Variants in SMOC2 observed in about 807,000 individuals in gnomAD.
SMOC2 encodes the protein SPARC-related modular calcium-binding protein 2.
SMOC2 carries 39 observed loss-of-function variants against 61.4 expected under a neutral mutation model. That is an observed-to-expected ratio of 0.64 (90% CI 0.49 to 0.83). SMOC2 has a LOEUF of 0.83. Among genes scored for constraint, SMOC2 ranks in the 40% least tolerant of loss-of-function variants. The probability of loss-of-function intolerance (pLI) is 0.00; values close to 1 mark genes in which losing one functional copy is unlikely to be tolerated. For missense variants in SMOC2, 556 were observed against 592.9 expected, an observed-to-expected ratio of 0.94 and a Z score of 0.65; for synonymous variants, 247 against 239.9, an observed-to-expected ratio of 1.03 and a Z score of -0.27.
At chr6:168,562,782 C>T (rs1442101804) in intron 7 of SMOC2, among the ~76,000 whole-genome samples, 1 of 152,164 alleles carries the variant, frequency 6.6e-6, no homozygotes, top group Non-Finnish European at 1.5e-5. Context: ...ATGGTCCTGC[C>T]CCGGGAGAGC....
chr6:168,598,424 G>A (rs370143977), intron 7 of SMOC2, among the ~76,000 whole-genome samples: 4 of 152,334 alleles, frequency 2.6e-5, no homozygotes, highest in African/African-American at 9.6e-5. Context: ...CACGTGGCTC[G>A]GAGCAGGGAG....
intron 9 of SMOC2, among the ~76,000 whole-genome samples, chr6:168,623,329 A>ATTTTTTTTTTTTTTT (rs11284179): frequency 7.7e-6 from 1 of 129,108 alleles, no homozygotes; most frequent in African/African-American, 3.0e-5. Flanking sequence ...TGGATAATTA[A>ATTTTTTTTTTTTTTT]TTTTTTTTTT....
chr6:168,615,838 A>G (rs1786073530), intron 9 of SMOC2, among the ~76,000 whole-genome samples: 1 of 152,236 alleles, frequency 6.6e-6, no homozygotes, highest in South Asian at 2.1e-4. Flanking sequence ...CTCATGTAGA[A>G]ACCTTAGAGG....
chr6:168,583,935 C>T (rs1306852661), intron 7 of SMOC2, among the ~76,000 whole-genome samples: 1 of 152,240 alleles, frequency 6.6e-6, no homozygotes, highest in East Asian at 1.9e-4. Flanking sequence ...TGAGGCTGTG[C>T]ACAGGCGAGG....
intron 11 of SMOC2, chr6:168,655,578 T>C: frequency 5.5e-6 from 2 of 366,168 alleles, no homozygotes; most frequent in Non-Finnish European, 5.5e-6. Flanking sequence ...ATGTGTGTAC[T>C]AGATACCCGG....
intron 9 of SMOC2, among the ~76,000 whole-genome samples, chr6:168,614,772 A>AGG (rs762773433): frequency 6.1e-4 from 28 of 45,802 alleles, no homozygotes; most frequent in South Asian, 3.3e-3. Context: ...CAGCCAGCAC[A>AGG]GGGCCTCTTC....
chr6:168,446,395 T>G (rs528402664), intron 1 of SMOC2, among the ~76,000 whole-genome samples: 73 of 152,242 alleles, frequency 4.8e-4, no homozygotes, highest in Middle Eastern at 3.4e-3. Flanking sequence ...TAAACTGTTC[T>G]ACACATACAA....
chr6:168,636,933 C>T (rs1231043870), intron 9 of SMOC2, among the ~76,000 whole-genome samples: 3 of 121,862 alleles, frequency 2.5e-5, no homozygotes, highest in Non-Finnish European at 5.1e-5. Flanking sequence ...CTCCCCCCTC[C>T]CCACCTCCCT....
At chr6:168,526,929 A>G (rs1447831284) in intron 3 of SMOC2, among the ~76,000 whole-genome samples, 1 of 152,206 alleles carries the variant, frequency 6.6e-6, no homozygotes, top group Non-Finnish European at 1.5e-5. Flanking sequence ...TTGTCAGCCA[A>G]AGGCACTGTT....
chr6:168,540,246 G>A (rs1433506179), intron 4 of SMOC2, among the ~76,000 whole-genome samples: 2 of 152,342 alleles, frequency 1.3e-5, no homozygotes, highest in East Asian at 1.9e-4. Context: ...TGATGGCGGC[G>A]AGGGCCTGAG....
intron 9 of SMOC2, among the ~76,000 whole-genome samples, chr6:168,644,222 T>C (rs1477880479): frequency 6.6e-6 from 1 of 152,208 alleles, no homozygotes; most frequent in Non-Finnish European, 1.5e-5. Flanking sequence ...TTTATGGACA[T>C]GGCTTCGGGA....
chr6:168,635,563 A>G (rs1583176491), intron 9 of SMOC2, among the ~76,000 whole-genome samples: 3 of 152,262 alleles, frequency 2.0e-5, no homozygotes. Flanking sequence ...GAAAGCATAA[A>G]TCTTGCTGAG....
At chr6:168,665,753 C>T (rs1224590491) in intron 12 of SMOC2, among the ~76,000 whole-genome samples, 1 of 152,234 alleles carries the variant, frequency 6.6e-6, no homozygotes, top group Non-Finnish European at 1.5e-5. Context: ...TTTGTCTTCT[C>T]ACCTCTTCAG....
chr6:168,595,520 G>A (rs915367905), intron 7 of SMOC2, among the ~76,000 whole-genome samples: 1 of 152,220 alleles, frequency 6.6e-6, no homozygotes, highest in Non-Finnish European at 1.5e-5. Flanking sequence ...ACAGTCACAG[G>A]TGGAAATTGT....
chr6:168,554,892 C>T (rs1583104919), intron 7 of SMOC2, among the ~76,000 whole-genome samples: 2 of 152,334 alleles, frequency 1.3e-5, no homozygotes, highest in East Asian at 3.9e-4. Flanking sequence ...ATGCCGGGGG[C>T]ATCTGCTGCT....
intron 7 of SMOC2, among the ~76,000 whole-genome samples, chr6:168,551,103 C>T (rs767971184): frequency 9.2e-5 from 14 of 152,138 alleles, no homozygotes; most frequent in South Asian, 2.1e-4. Flanking sequence ...TGAGTTCTCA[C>T]GAGATCTGGT....
intron 7 of SMOC2, among the ~76,000 whole-genome samples, chr6:168,550,658 C>T (rs1784110030): frequency 6.6e-6 from 1 of 152,182 alleles, no homozygotes; most frequent in Admixed American, 6.5e-5. Flanking sequence ...CTTTACCCTT[C>T]TGGGCGGAGA....
intron 5 of SMOC2, among the ~76,000 whole-genome samples, chr6:168,546,228 A>C (rs1353547350): frequency 1.3e-5 from 2 of 149,394 alleles, no homozygotes; most frequent in South Asian, 2.1e-4. Context: ...TTATTTAACA[A>C]AATGATATAA....
At chr6:168,543,574 C>A in intron 4 of SMOC2, 51 bp from the exon 5 acceptor site, 1 of 1,494,574 alleles carries the variant, frequency 6.7e-7, no homozygotes, top group Non-Finnish European at 9.3e-7. Flanking sequence ...TTGTGATGGC[C>A]ATTTAAGAGT....
Sources: allele counts gnomAD v4.1 joint callset (sites outside exome capture counted in the v4.1 genomes callset), GRCh38; gene constraint gnomAD v4.1.1; transcripts MANE v1.5; gene names NCBI Gene and HGNC (gene_info 2026-07-23, HGNC 2026-07-21).